NAALADL2: variants seen among roughly 807,000 people sequenced by gnomAD.
NAALADL2 encodes the protein N-acetylated alpha-linked acidic dipeptidase like 2, also known as inactive N-acetylated-alpha-linked acidic dipeptidase-like protein 2.
A neutral mutation model predicts 87.2 loss-of-function variants in NAALADL2; 76 were observed. That is an observed-to-expected ratio of 0.87 (90% CI 0.72 to 1.05). NAALADL2 has a LOEUF of 1.05. Among genes scored for constraint, NAALADL2 ranks in the 50% least tolerant of loss-of-function variants. The pLI is 0.00. For synonymous variants in NAALADL2, 354 were observed against 331.0 expected (o/e 1.07, Z -0.75); for missense variants, 1,089 against 945.8 (o/e 1.15, Z -1.99).
chr3:175,784,478 AGTTTATTTGCATAGAGGT>A (rs1751619426), intron 13 of NAALADL2, among the ~76,000 whole-genome samples: 1 of 136,674 alleles, frequency 7.3e-6, no homozygotes, highest in African/African-American at 3.2e-5. Flanking sequence ...TAGATTTTCT[AGTTTATTTGCATAGAGGT>A]GTTTGTAGTA....
At chr3:175,546,308 A>T (rs1713308510) in intron 9 of NAALADL2, among the ~76,000 whole-genome samples, 1 of 152,046 alleles carries the variant, frequency 6.6e-6, no homozygotes, top group Admixed American at 6.6e-5. Flanking sequence ...GGGTCTCTTG[A>T]AGACACCATA....
chr3:175,628,613 C>G (rs35381202), intron 11 of NAALADL2, among the ~76,000 whole-genome samples: 6,165 of 132,004 alleles, frequency 0.047, 157 homozygotes, highest in Non-Finnish European at 0.062. Context: ...ATCTCTCTCT[C>G]TATGTATATA....
chr3:175,450,134 C>T (rs1222850286), intron 6 of NAALADL2, among the ~76,000 whole-genome samples: 1 of 151,956 alleles, frequency 6.6e-6, no homozygotes, highest in African/African-American at 2.4e-5. Flanking sequence ...ATTATAACCC[C>T]TTACCCTAAT....
In NAALADL2 at chr3:175,280,881, G is replaced by A. The variant is rs557155138; in HGVS notation, c.939+24351G>A. 1.8e-4 allele frequency among the ~76,000 whole-genome samples: 27 copies of A among 152,002 alleles called. 1 individual carries two copies. In the South Asian group the frequency reaches 4.4e-3, roughly 25 times the overall value. ...CTTTTTATCCTGATGCTACATCAGCGTATAAGTTTAAATGAAAATAAGCAA... is the reference window on the plus strand; with the variant it reads ...CTTTTTATCCTGATGCTACATCAGCATATAAGTTTAAATGAAAATAAGCAA... On this transcript the variant is annotated intron_variant, in intron 4 of 13. Coordinates refer to ENST00000454872, the MANE Select transcript of NAALADL2 (RefSeq NM_207015.3).
intron 3 of NAALADL2, among the ~76,000 whole-genome samples, chr3:174,806,067 G>A (rs9682389): frequency 2.0e-5 from 3 of 152,074 alleles, no homozygotes; most frequent in African/African-American, 4.8e-5. Context: ...CTATACAAGT[G>A]TTCACTTTCT....
chr3:174,574,220 T>A (rs1715267024), intron 2 of NAALADL2, among the ~76,000 whole-genome samples: 1 of 151,798 alleles, frequency 6.6e-6, no homozygotes, highest in Admixed American at 6.6e-5. Flanking sequence ...AAAAGAAAAT[T>A]CAAGAAGAGG....
At chr3:174,806,610 G>A (rs1334005000) in intron 3 of NAALADL2, among the ~76,000 whole-genome samples, 1 of 152,154 alleles carries the variant, frequency 6.6e-6, no homozygotes, top group Non-Finnish European at 1.5e-5. Flanking sequence ...TTTACAGACA[G>A]CAAAACAGAG....
chr3:174,690,624 G>T (rs1275560481), intron 2 of NAALADL2, among the ~76,000 whole-genome samples: 1 of 152,080 alleles, frequency 6.6e-6, no homozygotes, highest in Non-Finnish European at 1.5e-5. Context: ...CCATTTTAAT[G>T]GAAATGGCAT....
At chr3:175,236,459 G>C (rs1163570227) in intron 3 of NAALADL2, among the ~76,000 whole-genome samples, 1 of 148,790 alleles carries the variant, frequency 6.7e-6, no homozygotes, top group Admixed American at 6.8e-5. Context: ...TGAGGCAGGA[G>C]AATCACTGGA....
intron 7 of NAALADL2, among the ~76,000 whole-genome samples, chr3:175,464,760 G>A (rs1055275098): frequency 6.6e-6 from 1 of 152,074 alleles, no homozygotes; most frequent in Non-Finnish European, 1.5e-5. Context: ...TATTTTCTCC[G>A]ATTTCTTTAC....
At chr3:175,581,478 A>G (rs1379499073) in intron 10 of NAALADL2, among the ~76,000 whole-genome samples, 3 of 152,084 alleles carry the variant, frequency 2.0e-5, no homozygotes, top group Non-Finnish European at 4.4e-5. Flanking sequence ...ATACAAGACA[A>G]TTGGATTTTC....
At chr3:174,763,824 C>CAAAAAA (rs1713412686) in intron 3 of NAALADL2, among the ~76,000 whole-genome samples, 1 of 58,124 alleles carries the variant, frequency 1.7e-5, no homozygotes, top group Non-Finnish European at 3.2e-5. Context: ...AAAACCAAAA[C>CAAAAAA]AAAACAAAAA....
At chr3:175,493,329 T>C (rs1484844128) in intron 9 of NAALADL2, among the ~76,000 whole-genome samples, 1 of 152,130 alleles carries the variant, frequency 6.6e-6, no homozygotes, top group Admixed American at 6.5e-5. Context: ...ATAATTTGGA[T>C]TTACCTTCTC....
At chr3:175,474,028 TA>T (rs1725282162) in intron 9 of NAALADL2, among the ~76,000 whole-genome samples, 1 of 152,202 alleles carries the variant, frequency 6.6e-6, no homozygotes, top group Non-Finnish European at 1.5e-5. Flanking sequence ...ACCAACAGCA[TA>T]TAAGCATTCC....
At chr3:174,921,849 T>G (rs967355082) in intron 1 of NAALADL2, among the ~76,000 whole-genome samples, 1 of 150,462 alleles carries the variant, frequency 6.6e-6, no homozygotes, top group Admixed American at 6.6e-5. Flanking sequence ...GAAAAAAATC[T>G]TCTTAGTATT....
rs1350292791 is a variant in NAALADL2 at position 175,233,861 on chromosome 3, G to T, written c.546-70G>T. 5.2e-5 allele frequency: 42 copies of T among 801,086 alleles called. No homozygotes were observed. The East Asian group carries it at 9.8e-4, about 19-fold the overall frequency. The allele number at this position is 801,086 out of a possible 1,614,324, so 49.6% of individuals were successfully genotyped here. Reference sequence around the variant, plus strand: ...CATCTATTAATATTGTTCATATATTGAGCAGTCATATCTCAAAAGAATAAA... The same window carrying T: ...CATCTATTAATATTGTTCATATATTTAGCAGTCATATCTCAAAAGAATAAA... On this transcript the variant is annotated intron_variant, in intron 2 of 13. Transcript: ENST00000454872.
intron 2 of NAALADL2, among the ~76,000 whole-genome samples, chr3:175,191,539 C>A (rs1738205739): frequency 6.6e-6 from 1 of 152,026 alleles, no homozygotes; most frequent in Non-Finnish European, 1.5e-5. Flanking sequence ...GTGGTATCCA[C>A]AATACTAACC....
At position 175,284,186 on chromosome 3, in the gene NAALADL2, G is replaced by GTTTTT. The variant is rs34562094; in HGVS notation, c.939+27665_939+27669dup. On this transcript the variant is annotated intron_variant, in intron 4 of 13. Transcript: ENST00000454872. ...GGATAATTTTTTTCCTTTACACTGT[G>GTTTTT]TTTTTTTTTTTTTCTGTCTTGCTTT... Among the ~76,000 whole-genome samples, 599 of 142,688 alleles carry GTTTTT rather than the reference G, an allele frequency of 4.2e-3. 4 individuals are homozygous for GTTTTT. The highest frequency in any genetic ancestry group is 0.014 in the African/African-American group (563 of 38,846). The allele number at this position is 142,688 out of a possible 152,430, so 93.6% of individuals were successfully genotyped here. A position where few individuals can be genotyped will look rare whatever the true frequency, so the allele number is the denominator to read the frequency against.
intron 4 of NAALADL2, among the ~76,000 whole-genome samples, chr3:175,322,816 A>G (rs1372119732): frequency 5.4e-5 from 8 of 148,392 alleles, no homozygotes; most frequent in East Asian, 4.1e-4. Flanking sequence ...TAGAATGGCA[A>G]TCATTAAAAA....
Sources: gnomAD v4.1 joint callset for allele counts (sites outside exome capture counted in the v4.1 genomes callset) on GRCh38, gnomAD v4.1.1 for gene constraint, MANE v1.5 for transcripts, NCBI Gene and HGNC (gene_info 2026-07-23, HGNC 2026-07-21) for gene names.